NPAS3: variants seen among roughly 807,000 people sequenced by gnomAD.
NPAS3 encodes neuronal PAS domain-containing protein 3.
Under a neutral mutation model 73.1 loss-of-function variants are expected in NPAS3, and 14 were observed. That is an observed-to-expected ratio of 0.19 (90% confidence interval 0.13 to 0.30). The LOEUF (loss-of-function observed/expected upper bound fraction) is 0.30. Ranked by LOEUF, NPAS3 falls within the 10% of genes least tolerant of loss-of-function variation. The pLI is 1.00. For synonymous variants in NPAS3, 620 were observed against 541.5 expected, an observed-to-expected ratio of 1.14 and a Z score of -2.01; for missense variants, 1,096 against 1,250.0, an observed-to-expected ratio of 0.88 and a Z score of 1.86.
At chr14:33,179,254 A>T (rs924459130) in intron 2 of NPAS3, among the ~76,000 whole-genome samples, 3 of 152,176 alleles carry the variant, frequency 2.0e-5, no homozygotes, top group Admixed American at 6.5e-5. Context: ...ATTGTTTTGG[A>T]TGCCTCCTTT....
upstream of NPAS3, among the ~76,000 whole-genome samples, chr14:32,938,918 CG>C (rs2035829627): frequency 6.9e-6 from 1 of 145,720 alleles, no homozygotes; most frequent in African/African-American, 2.5e-5. Flanking sequence ...CCTCGGGAGC[CG>C]GGGCGGCCCG....
chr14:33,627,823 A>T (rs1212797804), intron 5 of NPAS3, among the ~76,000 whole-genome samples: 2 of 152,258 alleles, frequency 1.3e-5, no homozygotes, highest in South Asian at 2.1e-4. Flanking sequence ...GTTCCACAGG[A>T]TGTTCACAGA....
At chr14:33,550,234 G>A (rs1464772341) in intron 4 of NPAS3, among the ~76,000 whole-genome samples, 1 of 152,058 alleles carries the variant, frequency 6.6e-6, no homozygotes, top group Non-Finnish European at 1.5e-5. Flanking sequence ...GTTCAGGCTG[G>A]CCTCGAACTC....
At chr14:32,958,426 T>G (rs1360507215) in intron 1 of NPAS3, among the ~76,000 whole-genome samples, 1 of 152,240 alleles carries the variant, frequency 6.6e-6, no homozygotes, top group Non-Finnish European at 1.5e-5. Context: ...TGATCACTCC[T>G]TTCTTTTTGA....
At position 33,778,588 on chromosome 14, in the gene NPAS3, G is replaced by A; in HGVS notation, c.1153+16G>A. On this transcript the variant is annotated intron_variant, in intron 9 of 11. Transcript: ENST00000356141. ...CACTTGGACTGTAAGTACCTCCTGT[G>A]TGGGGGAATAACCCCGGCTGGTGTC... The A allele has an allele frequency of 6.4e-7, 1 of 1,562,126 alleles. No individual in the cohort carries two copies. Among genetic ancestry groups the A allele is most frequent in the Non-Finnish European group, 8.8e-7 (1 of 1,132,660 alleles).
intron 3 of NPAS3, among the ~76,000 whole-genome samples, chr14:33,356,818 T>G (rs2140370373): frequency 6.6e-6 from 1 of 152,344 alleles, no homozygotes; most frequent in South Asian, 2.1e-4. Flanking sequence ...AAGAAACATA[T>G]TAAGAACCTC....
chr14:32,955,205 C>A (rs1174890813), intron 1 of NPAS3, among the ~76,000 whole-genome samples: 1 of 152,030 alleles, frequency 6.6e-6, no homozygotes. Flanking sequence ...TTTGCTTTTT[C>A]CCTTTCTAGT....
At chr14:33,422,062 C>G (rs2048379298) in intron 4 of NPAS3, among the ~76,000 whole-genome samples, 1 of 151,880 alleles carries the variant, frequency 6.6e-6, no homozygotes, top group South Asian at 2.1e-4. Flanking sequence ...GATAGTTGTC[C>G]TAATAGCTCT....
At chr14:33,492,630 G>A (rs2051959104) in intron 4 of NPAS3, among the ~76,000 whole-genome samples, 1 of 152,158 alleles carries the variant, frequency 6.6e-6, no homozygotes, top group Non-Finnish European at 1.5e-5. Context: ...GATACACATT[G>A]GACATGGTTT....
chr14:32,993,916 A>G (rs902136413), intron 1 of NPAS3, among the ~76,000 whole-genome samples: 7 of 152,252 alleles, frequency 4.6e-5, no homozygotes. Context: ...GCACTCTCAC[A>G]TGCTCAGTTT....
chr14:33,569,165 G>T (rs541960372), intron 5 of NPAS3, among the ~76,000 whole-genome samples: 33 of 152,222 alleles, frequency 2.2e-4, no homozygotes, highest in African/African-American at 7.9e-4. Flanking sequence ...CTCCTTTCAG[G>T]CTCCTACAGC....
At chr14:33,177,548 A>G (rs2045638824) in intron 2 of NPAS3, among the ~76,000 whole-genome samples, 1 of 152,162 alleles carries the variant, frequency 6.6e-6, no homozygotes, top group African/African-American at 2.4e-5. Flanking sequence ...TTTTGTTTGC[A>G]TCTGTTGCTC....
At chr14:33,087,147 A>G (rs1410338617) in intron 2 of NPAS3, among the ~76,000 whole-genome samples, 2 of 100,342 alleles carry the variant, frequency 2.0e-5, no homozygotes, top group South Asian at 3.0e-4. Context: ...ATAATAATAT[A>G]GTATACAATA....
chr14:33,729,963 G>A lies in NPAS3; in HGVS notation c.734-5251G>A, dbSNP rs761299399. Among the ~76,000 whole-genome samples the A allele has an allele frequency of 7.9e-5, 12 of 152,062 alleles. 1 individual carries two copies. The highest frequency in any genetic ancestry group is 2.0e-4 in the Admixed American group (3 of 15,262). ...TTTTACCATGCTTGTCCTGCTTTTC[G>A]GAAACTAGGTTGGGAAGATCTTATT... On this transcript the variant is annotated intron_variant, in intron 6 of 11. Transcript: ENST00000356141.
chr14:33,259,899 C>G (rs1481269591), intron 3 of NPAS3, among the ~76,000 whole-genome samples: 4 of 150,554 alleles, frequency 2.7e-5, no homozygotes, highest in Non-Finnish European at 5.9e-5. Flanking sequence ...ACCATGAAAT[C>G]AGATATGAAT....
Position 32,992,128 on chromosome 14 carries a change from A to G in NPAS3, c.50+52762A>G, listed in dbSNP as rs140885053. ...GTGATGGCCTGATGCTGCCATCTGC[A>G]CATGGACTGGTCAGTAAACTGGACT... On this transcript the variant is annotated intron_variant, in intron 1 of 11. Transcript: ENST00000356141. 1.8e-3 allele frequency among the ~76,000 whole-genome samples: 274 copies of G among 152,314 alleles called. 1 individual carries two copies. Among genetic ancestry groups the G allele is most frequent in the Non-Finnish European group, 1.5e-3 (99 of 68,028 alleles).
rs527786607 is a variant in NPAS3 at position 33,302,911 on chromosome 14, CT to C, written c.386-64263del. Among the ~76,000 whole-genome samples, 1,202 of 143,440 alleles carry C rather than the reference CT, an allele frequency of 8.4e-3. 4 individuals carry two copies. Among genetic ancestry groups the C allele is most frequent in the African/African-American group, 0.02 (778 of 39,446 alleles). The allele number at this position is 143,440 out of a possible 152,430, so 94.1% of individuals were successfully genotyped here. A position where few individuals can be genotyped will look rare whatever the true frequency, so the allele number is the denominator to read the frequency against. Reference sequence around the variant, plus strand: ...AGGAAGTGCCTATAAGCCTCTCTCTCTTTTTTTTTTTTAATGCCCCTATATA... The same window carrying C: ...AGGAAGTGCCTATAAGCCTCTCTCTCTTTTTTTTTTTAATGCCCCTATATA... On this transcript the variant is annotated intron_variant, in intron 3 of 11. Coordinates refer to ENST00000356141, the Ensembl canonical transcript of NPAS3.
intron 2 of NPAS3, among the ~76,000 whole-genome samples, chr14:33,122,678 G>A (rs2043274564): frequency 6.6e-6 from 1 of 152,038 alleles, no homozygotes; most frequent in African/African-American, 2.4e-5. Flanking sequence ...CCAGGAAGGG[G>A]GCTCAAATGT....
upstream of NPAS3, among the ~76,000 whole-genome samples, chr14:32,938,497 G>GAGAGAGAGAGAGAGAGAA: frequency 9.2e-6 from 1 of 108,534 alleles, no homozygotes; most frequent in African/African-American, 4.0e-5. Flanking sequence ...GAGAGAGAGA[G>GAGAGAGAGAGAGAGAGAA]AGAGAGAGAG....
Sources: gnomAD v4.1 joint callset for allele counts (sites outside exome capture counted in the v4.1 genomes callset) on GRCh38, gnomAD v4.1.1 for gene constraint, MANE v1.5 for transcripts, NCBI Gene and HGNC (gene_info 2026-07-23, HGNC 2026-07-21) for gene names.